The following LIMCH1 variants were observed in gnomAD, a reference collection of about 807,000 sequenced individuals.
LIMCH1 encodes the protein LIM and calponin homology domains 1.
In LIMCH1, 113 loss-of-function variants were observed where a neutral mutation model predicts 176.5. That is an observed-to-expected ratio of 0.64 (90% CI 0.55 to 0.75). The LOEUF (loss-of-function observed/expected upper bound fraction) is 0.75, where lower values mean the gene tolerates loss of function less well. LIMCH1 is among the 30% of genes least tolerant of loss of function. The pLI, the probability that LIMCH1 is intolerant of heterozygous loss-of-function variation, is 0.00. For synonymous variants in LIMCH1, 619 were observed against 645.9 expected (o/e 0.96, Z 0.63); for missense variants, 1,674 against 1,814.9 (o/e 0.92, Z 1.41).
chr4:41,500,927 C>T (rs1227239453), intron 2 of LIMCH1, among the ~76,000 whole-genome samples: 1 of 152,070 alleles, frequency 6.6e-6, no homozygotes, highest in Non-Finnish European at 1.5e-5. Context: ...CAGATGGAGA[C>T]AAATGAGAGA....
chr4:41,687,976 C>G, intron 29 of LIMCH1, 59 bp downstream of exon 29: 2 of 1,374,442 alleles, frequency 1.5e-6, no homozygotes, highest in Non-Finnish European at 2.1e-6. Flanking sequence ...GCTTGCCAAG[C>G]ATCATTTCAA....
At chr4:41,499,086 T>C (rs1446422658) in intron 2 of LIMCH1, among the ~76,000 whole-genome samples, 1 of 152,208 alleles carries the variant, frequency 6.6e-6, no homozygotes, top group Admixed American at 6.5e-5. Context: ...AGTTAAGAAA[T>C]TGAGTTTGGG....
At chr4:41,404,493 A>G (rs13118239) in intron 1 of LIMCH1, among the ~76,000 whole-genome samples, 41,920 of 151,940 alleles carry the variant, frequency 0.28, 6,656 homozygotes, top group African/African-American at 0.42. Flanking sequence ...AAATTGATTA[A>G]TAGGCTGGGT....
chr4:41,363,875 CA>C (rs2052550130), intron 1 of LIMCH1, among the ~76,000 whole-genome samples: 3 of 152,160 alleles, frequency 2.0e-5, no homozygotes, highest in Admixed American at 2.0e-4. Flanking sequence ...CTAGAGGAGA[CA>C]GCAAACTTGA....
chr4:41,573,338 A>T (rs2083864166), intron 1 of LIMCH1, among the ~76,000 whole-genome samples: 1 of 152,242 alleles, frequency 6.6e-6, no homozygotes, highest in Non-Finnish European at 1.5e-5. Context: ...TGTAAAAATA[A>T]AAATTAAAAA....
chr4:41,622,622 T>C (rs28691847), intron 7 of LIMCH1, among the ~76,000 whole-genome samples: 2 of 152,308 alleles, frequency 1.3e-5, no homozygotes, highest in Admixed American at 6.5e-5. Flanking sequence ...ACTGTGCCAC[T>C]TCAGTACCTG....
intron 13 of LIMCH1, among the ~76,000 whole-genome samples, chr4:41,634,679 A>G (rs2093489066): frequency 6.6e-6 from 1 of 152,228 alleles, no homozygotes; most frequent in Admixed American, 6.5e-5. Flanking sequence ...GTGCTTTACA[A>G]CCACAGAGTG....
At chr4:41,589,165 A>G (rs571508765) in intron 1 of LIMCH1, among the ~76,000 whole-genome samples, 9 of 152,354 alleles carry the variant, frequency 5.9e-5, no homozygotes, top group Admixed American at 5.9e-4. Context: ...ATGAAAGAGC[A>G]GGTGTTATAG....
intron 14 of LIMCH1, 145 bp from the exon 15 acceptor site, chr4:41,644,355 C>T: frequency 8.9e-7 from 1 of 1,117,920 alleles, no homozygotes; most frequent in Non-Finnish European, 1.2e-6. Context: ...CCAGAACACA[C>T]CGCCAGTCAC....
intron 1 of LIMCH1, among the ~76,000 whole-genome samples, chr4:41,416,294 T>A (rs2059930439): frequency 1.3e-5 from 2 of 152,182 alleles, no homozygotes; most frequent in Non-Finnish European, 2.9e-5. Context: ...CTGGTCACGA[T>A]AATAACAATA....
intron 1 of LIMCH1, among the ~76,000 whole-genome samples, chr4:41,435,536 T>G (rs1388130524): frequency 1.3e-5 from 2 of 152,258 alleles, no homozygotes; most frequent in African/African-American, 4.8e-5. Context: ...CTTCTTGTCC[T>G]AAACCAGTCA....
At chr4:41,659,802 C>A (rs115598190) in intron 18 of LIMCH1, among the ~76,000 whole-genome samples, 155 of 152,202 alleles carry the variant, frequency 1.0e-3, no homozygotes, top group African/African-American at 3.5e-3. Context: ...AAAATATAAT[C>A]TAGCTAGTAT....
intron 1 of LIMCH1, among the ~76,000 whole-genome samples, chr4:41,412,973 A>T (rs1309287713): frequency 6.6e-6 from 1 of 152,148 alleles, no homozygotes; most frequent in Non-Finnish European, 1.5e-5. Flanking sequence ...AAATCTGGAG[A>T]TCCTCATAGC....
At chr4:41,514,125 C>G (rs1432808314) in intron 2 of LIMCH1, among the ~76,000 whole-genome samples, 3 of 149,248 alleles carry the variant, frequency 2.0e-5, no homozygotes. Context: ...GTTTTGAGTC[C>G]TTCCCAATAC....
In LIMCH1 at chr4:41,619,381, G is replaced by A. The variant is rs1295950126; in HGVS notation, c.399G>A (p.Glu133=). The change falls in exon 6 of 32, where the codon GAG becomes GAA. Residue 133 remains glutamate, a synonymous_variant. Coordinates refer to ENST00000503057, the MANE Select transcript of LIMCH1 (RefSeq NM_001330672.2). ...APLRKKKAER[E]EYRKSWSTAT... Reference sequence around the variant, plus strand: ...TGAGAAAGAAGAAAGCAGAGAGAGAGGAATACCGCAAGAGCTGGAGTACCG... The same window carrying A: ...TGAGAAAGAAGAAAGCAGAGAGAGAAGAATACCGCAAGAGCTGGAGTACCG... 11 of 1,613,756 alleles carry A rather than the reference G, an allele frequency of 6.8e-6. No individual in the cohort carries two copies. Among genetic ancestry groups the A allele is most frequent in the Non-Finnish European group, 9.3e-6 (11 of 1,180,030 alleles).
chr4:41,409,337 A>T (rs1259351816), intron 1 of LIMCH1, among the ~76,000 whole-genome samples: 1 of 152,156 alleles, frequency 6.6e-6, no homozygotes, highest in African/African-American at 2.4e-5. Flanking sequence ...TTCAGCCAAA[A>T]AGCATTTATT....
chr4:41,556,782 A>G (rs1490076852), intron 1 of LIMCH1, among the ~76,000 whole-genome samples: 1 of 152,138 alleles, frequency 6.6e-6, no homozygotes, highest in Admixed American at 6.5e-5. Flanking sequence ...ACAAACTGGG[A>G]AATTACCCTT....
At chr4:41,439,875 G>C (rs1185080749) in intron 1 of LIMCH1, among the ~76,000 whole-genome samples, 1 of 152,152 alleles carries the variant, frequency 6.6e-6, no homozygotes. Flanking sequence ...TTGTAGTCCA[G>C]CCTGGGCGAC....
At chr4:41,431,370 T>G (rs2061594366) in intron 1 of LIMCH1, among the ~76,000 whole-genome samples, 1 of 152,218 alleles carries the variant, frequency 6.6e-6, no homozygotes, top group Admixed American at 6.5e-5. Context: ...TCTTTAATTC[T>G]CAGCTTCCTT....
Sources: allele counts gnomAD v4.1 joint callset (sites outside exome capture counted in the v4.1 genomes callset), GRCh38; gene constraint gnomAD v4.1.1; transcripts MANE v1.5; gene names NCBI Gene and HGNC (gene_info 2026-07-23, HGNC 2026-07-21).